Variants in WRNIP1 observed in about 807,000 individuals in gnomAD.
The protein encoded by WRNIP1 is WRN helicase interacting protein 1, also known as ATPase WRNIP1.
WRNIP1 carries 41 observed loss-of-function variants against 56.1 expected under a neutral mutation model. That is an observed-to-expected ratio of 0.73 (90% CI 0.57 to 0.95). WRNIP1 has a LOEUF of 0.95. Ranked by LOEUF, WRNIP1 falls within the 40% of genes least tolerant of loss-of-function variation. WRNIP1 has a pLI of 0.00. For synonymous variants in WRNIP1, 547 were observed against 398.1 expected, an observed-to-expected ratio of 1.37 and a Z score of -4.45; for missense variants, 1,170 against 939.4, an observed-to-expected ratio of 1.25 and a Z score of -3.21.
At chr6:2,768,146 C>T (rs934633575) in intron 1 of WRNIP1, among the ~76,000 whole-genome samples, 3 of 152,176 alleles carry the variant, frequency 2.0e-5, no homozygotes, top group African/African-American at 4.8e-5. Flanking sequence ...TCATCTCCTA[C>T]CAGAGTGAAC....
chr6:2,772,874 T>G, intron 3 of WRNIP1: 1 of 756,794 alleles, frequency 1.3e-6, no homozygotes, highest in Non-Finnish European at 1.6e-6. Flanking sequence ...AAATCAGATT[T>G]GGTGACACTA....
Position 2,765,601 on chromosome 6 carries a change from G to T in WRNIP1, c.-22G>T, listed in dbSNP as rs772217535. 10 of 1,491,390 alleles carry T rather than the reference G, an allele frequency of 6.7e-6. No homozygotes were observed. The East Asian group carries it at 2.0e-4, about 30-fold the overall frequency. 92.4% of individuals were successfully genotyped at this position (1,491,390 alleles called of 1,614,324 possible). ...ACGGGTTGCTGCGGCCGCGCCGGGC[G>T]CCGGGGAGGGCGGCGGCCGCCATGG... On this transcript the variant is annotated 5_prime_UTR_variant, in exon 1 of 7. Transcript: ENST00000380773.
Position 2,770,269 on chromosome 6 carries a change from T to C in WRNIP1, c.1164T>C (p.Ile388=), listed in dbSNP as rs376711574. Residue 388 remains isoleucine (I), a synonymous_variant, in exon 3 of 7, where the codon ATT becomes ATC. Transcript: ENST00000380773. ...TTCCAGTAGAGGCAATGGTGACTAT[T>C]TTAATGCGAGCGATCAACTCCCTGG... ...EKLPVEAMVT[I]LMRAINSLGI... 1.2e-6 allele frequency: 2 copies of C among 1,614,044 alleles called. No individual in the cohort carries two copies. Among genetic ancestry groups the C allele is most frequent in the Non-Finnish European group, 8.5e-7 (1 of 1,180,026 alleles).
At chr6:2,767,477 G>A (rs574622686) in intron 1 of WRNIP1, among the ~76,000 whole-genome samples, 1 of 152,344 alleles carries the variant, frequency 6.6e-6, no homozygotes, top group South Asian at 2.1e-4. Context: ...TTTAACTCCA[G>A]TTCCTGGAAT....
chr6:2,785,441 GAATA>G lies in WRNIP1; in HGVS notation c.*163_*166del. The G allele has an allele frequency of 1.4e-6, 1 of 735,184 alleles. No homozygotes were observed. Among genetic ancestry groups the G allele is most frequent in the Admixed American group, 2.9e-5 (1 of 34,126 alleles). The allele number at this position is 735,184 out of a possible 1,614,324, so 45.5% of individuals were successfully genotyped here. On this transcript the variant is annotated 3_prime_UTR_variant, in exon 7 of 7. Coordinates refer to ENST00000380773, the MANE Select transcript of WRNIP1 (RefSeq NM_020135.3). ...CCATAGGTGGAGGCGCAGTTCTTTCGAATAAATGTGTAACTTTGAAATTGTGTTC... is the reference window on the plus strand; with the variant it reads ...CCATAGGTGGAGGCGCAGTTCTTTCGAATGTGTAACTTTGAAATTGTGTTC...
Position 2,766,125 on chromosome 6 carries a change from C to A in WRNIP1, c.503C>A (p.Ala168Asp). 1.5e-6 allele frequency: 2 copies of A among 1,325,406 alleles called. No individual in the cohort carries two copies. The highest frequency in any genetic ancestry group is 3.1e-5 in the East Asian group (1 of 32,412). 82.1% of individuals were successfully genotyped at this position (1,325,406 alleles called of 1,614,324 possible). The change falls in exon 1 of 7, where the codon GCC (alanine) becomes GAC (aspartate). Residue 168 changes from alanine to aspartate, a missense_variant. Coordinates refer to ENST00000380773, the MANE Select transcript of WRNIP1 (RefSeq NM_020135.3). The stretch of plus-strand genomic sequence containing the variant: ...GCGGAGGCGCAGGAGGAGGAGGAGG[C>A]CGTGGGCGACGGCGATGGCGACGGG... ...DEAEAQEEEE[A>D]VGDGDGDGDA...
intron 2 of WRNIP1, among the ~76,000 whole-genome samples, chr6:2,769,519 T>G (rs1279368284): frequency 1.3e-5 from 2 of 152,208 alleles, no homozygotes; most frequent in Non-Finnish European, 2.9e-5. Flanking sequence ...TTTTTGTAAC[T>G]TTTTAATCAT....
Position 2,783,440 on chromosome 6 carries a change from C to T in WRNIP1, c.1521C>T (p.His507=). The part of the protein sequence containing the change: ...EEHYNCISAL[H]KSMRGSDQNA... ...ATTACAACTGCATCTCCGCCCTGCACAAGTCCATGCGGGGCTCAGACCAGA... is the reference window on the plus strand; with the variant it reads ...ATTACAACTGCATCTCCGCCCTGCATAAGTCCATGCGGGGCTCAGACCAGA... Residue 507 remains histidine, a synonymous_variant, in exon 5 of 7, where the codon CAC becomes CAT. Transcript: ENST00000380773. 1 of 1,612,844 alleles carries T rather than the reference C, an allele frequency of 6.2e-7. No individual in the cohort carries two copies. Among genetic ancestry groups the T allele is most frequent in the South Asian group, 1.1e-5 (1 of 90,884 alleles).
chr6:2,769,269 TAAAC>T (rs778348485), intron 2 of WRNIP1, among the ~76,000 whole-genome samples: 25 of 152,172 alleles, frequency 1.6e-4, no homozygotes, highest in Non-Finnish European at 2.5e-4. Flanking sequence ...TTTTGAAAAT[TAAAC>T]AATCGGTATT....
chr6:2,772,755 C>G (rs982876253), intron 3 of WRNIP1, among the ~76,000 whole-genome samples: 9 of 152,174 alleles, frequency 5.9e-5, no homozygotes, highest in Non-Finnish European at 1.2e-4. Context: ...ACCTGCCACC[C>G]CAACTGTCAG....
Position 2,765,604 on chromosome 6 carries a change from G to C in WRNIP1, c.-19G>C, listed in dbSNP as rs1181846886. The C allele has an allele frequency of 1.3e-6, 2 of 1,498,474 alleles. No individual in the cohort carries two copies. Among genetic ancestry groups the C allele is most frequent in the Non-Finnish European group, 1.8e-6 (2 of 1,131,614 alleles). The allele number at this position is 1,498,474 out of a possible 1,614,324, so 92.8% of individuals were successfully genotyped here. On this transcript the variant is annotated 5_prime_UTR_variant, in exon 1 of 7. Coordinates refer to ENST00000380773, the MANE Select transcript of WRNIP1 (RefSeq NM_020135.3). ...GGTTGCTGCGGCCGCGCCGGGCGCCGGGGAGGGCGGCGGCCGCCATGGAGG... is the reference window on the plus strand; with the variant it reads ...GGTTGCTGCGGCCGCGCCGGGCGCCCGGGAGGGCGGCGGCCGCCATGGAGG...
Position 2,783,653 on chromosome 6 carries a change from T to TTTTTG in WRNIP1, c.1642+92_1642+93insTTTTG. The stretch of plus-strand genomic sequence containing the variant: ...TCGTGGCTTTTTTTTTTTTTTTTTT[T>TTTTTG]GCAGGGCGGGGTGGGCGGGGGTAGC... On this transcript the variant is annotated intron_variant, in intron 5 of 6. Coordinates refer to ENST00000380773, the MANE Select transcript of WRNIP1 (RefSeq NM_020135.3). The TTTTTG allele has an allele frequency of 1.2e-4, 15 of 120,076 alleles. 1 individual carries two copies. The highest frequency in any genetic ancestry group is 8.6e-4 in the Admixed American group (3 of 3,484). 7.4% of individuals were successfully genotyped at this position (120,076 alleles called of 1,614,324 possible).
At chr6:2,780,016 T>G (rs1045084390) in intron 4 of WRNIP1, among the ~76,000 whole-genome samples, 1 of 151,990 alleles carries the variant, frequency 6.6e-6, no homozygotes, top group Non-Finnish European at 1.5e-5. Context: ...TGTGTGCACT[T>G]ATCTGTTTTT....
At chr6:2,778,556 T>C (rs142734809) in intron 3 of WRNIP1, among the ~76,000 whole-genome samples, 19 of 152,330 alleles carry the variant, frequency 1.2e-4, no homozygotes, top group African/African-American at 4.1e-4. Flanking sequence ...GTCTCATGGC[T>C]ATGTACCAGC....
rs1157548445 is a variant in WRNIP1, at chr6:2,786,680, G to A, written c.*1398G>A. The A allele has an allele frequency of 8.0e-6, 1 of 125,300 alleles. No individual in the cohort carries two copies. Among genetic ancestry groups the A allele is most frequent in the African/African-American group, 2.5e-5 (1 of 40,210 alleles). 7.8% of individuals were successfully genotyped at this position (125,300 alleles called of 1,614,324 possible). Reference sequence around the variant, plus strand: ...CTGAGGGTTTGGCTAGTAATAAATTGTAGGTAAGAAATTACTTGTGCATTG... The same window carrying A: ...CTGAGGGTTTGGCTAGTAATAAATTATAGGTAAGAAATTACTTGTGCATTG... On this transcript the variant is annotated 3_prime_UTR_variant, in exon 7 of 7. Transcript: ENST00000380773.
chr6:2,771,931 T>G, intron 3 of WRNIP1, among the ~76,000 whole-genome samples: 1 of 152,238 alleles, frequency 6.6e-6, no homozygotes, highest in African/African-American at 2.4e-5. Context: ...ATTCTGCATG[T>G]GTACTTGTCT....
In WRNIP1 at chr6:2,770,109, C is replaced by T. The variant is rs768747536; in HGVS notation, c.1015-11C>T. 1 of 1,613,962 alleles carries T rather than the reference C, an allele frequency of 6.2e-7. No homozygotes were observed. Among genetic ancestry groups the T allele is most frequent in the Non-Finnish European group, 8.5e-7 (1 of 1,179,846 alleles). ...TGGAATCACTTTTTTCTGTTTTCCT[C>T]CCATGATTAGGACACTTTCCTTCCT... On this transcript the variant is annotated splice_polypyrimidine_tract_variant and intron_variant, in intron 2 of 6. Coordinates refer to ENST00000380773, the MANE Select transcript of WRNIP1 (RefSeq NM_020135.3).
In WRNIP1 at chr6:2,765,959, G is replaced by A. The variant is rs1013636525; in HGVS notation, c.337G>A (p.Ala113Thr). The change falls in exon 1 of 7, where the codon GCG becomes ACG. Residue 113 changes from alanine (A) to threonine (T), a missense_variant. Coordinates refer to ENST00000380773, the MANE Select transcript of WRNIP1 (RefSeq NM_020135.3). ...GETESRESYD[A>T]PPTPSGARLI... The stretch of plus-strand genomic sequence containing the variant: ...GACCGAGAGCCGCGAGAGCTACGAC[G>A]CGCCGCCCACACCCAGCGGCGCCCG... 2.1e-6 allele frequency: 3 copies of A among 1,428,300 alleles called. No homozygotes were observed. The highest frequency in any genetic ancestry group is 5.0e-5 in the Admixed American group (2 of 40,126). 88.5% of individuals were successfully genotyped at this position (1,428,300 alleles called of 1,614,324 possible). A position where few individuals can be genotyped will look rare whatever the true frequency, so the allele number is the denominator to read the frequency against.
intron 4 of WRNIP1, among the ~76,000 whole-genome samples, chr6:2,781,586 A>G (rs190721320): frequency 6.6e-6 from 1 of 152,332 alleles, no homozygotes; most frequent in East Asian, 1.9e-4. Flanking sequence ...CCTAGTTCAT[A>G]GTTACCCACT....
Sources: gnomAD v4.1 joint callset for allele counts (sites outside exome capture counted in the v4.1 genomes callset) on GRCh38, gnomAD v4.1.1 for gene constraint, MANE v1.5 for transcripts, NCBI Gene and HGNC (gene_info 2026-07-23, HGNC 2026-07-21) for gene names.